The following ARHGEF3 variants were observed in gnomAD, a reference collection of about 807,000 sequenced individuals.
ARHGEF3 encodes the protein Rho guanine nucleotide exchange factor 3.
In ARHGEF3, 28 loss-of-function variants were observed where a neutral mutation model predicts 63.2. That is an observed-to-expected ratio of 0.44 (90% CI 0.33 to 0.61). ARHGEF3 has a LOEUF of 0.61. ARHGEF3 is among the 20% of genes least tolerant of loss of function. ARHGEF3 has a pLI of 0.03. For missense variants in ARHGEF3, 533 were observed against 659.3 expected, an observed-to-expected ratio of 0.81 and a Z score of 2.10; for synonymous variants, 266 against 254.2, an observed-to-expected ratio of 1.05 and a Z score of -0.44.
chr3:57,065,298 C>T (rs982699142), intron 1 of ARHGEF3, among the ~76,000 whole-genome samples: 5 of 152,038 alleles, frequency 3.3e-5, no homozygotes, highest in South Asian at 2.1e-4. Flanking sequence ...CCTATCTCTA[C>T]GAAAAATACA....
At chr3:56,975,275 G>C (rs537489005) in intron 2 of ARHGEF3, among the ~76,000 whole-genome samples, 15 of 152,110 alleles carry the variant, frequency 9.9e-5, no homozygotes, top group African/African-American at 3.4e-4. Flanking sequence ...AAAATTAGCC[G>C]AGCGTGGTGG....
intron 2 of ARHGEF3, among the ~76,000 whole-genome samples, chr3:56,986,892 C>T (rs1701564315): frequency 6.6e-6 from 1 of 151,852 alleles, no homozygotes; most frequent in Non-Finnish European, 1.5e-5. Flanking sequence ...GATATTGAAT[C>T]CTTACTGCGG....
intron 3 of ARHGEF3, among the ~76,000 whole-genome samples, chr3:56,896,065 A>G (rs964069687): frequency 1.3e-5 from 2 of 152,222 alleles, no homozygotes; most frequent in African/African-American, 2.4e-5. Context: ...TGGTGAGAGT[A>G]TATTAGATTC....
At chr3:56,778,632 A>G (rs574298131) in intron 1 of ARHGEF3, among the ~76,000 whole-genome samples, 3 of 152,240 alleles carry the variant, frequency 2.0e-5, no homozygotes, top group African/African-American at 7.2e-5. Flanking sequence ...TCCTGGGCTC[A>G]AGCAGATCTT....
intron 1 of ARHGEF3, among the ~76,000 whole-genome samples, chr3:57,069,008 G>A (rs949792696): frequency 2.0e-5 from 3 of 148,566 alleles, no homozygotes; most frequent in African/African-American, 7.5e-5. Context: ...CGTAACCTCT[G>A]CCTCCCAGGT....
At chr3:56,902,620 G>A (rs1440574890) in intron 3 of ARHGEF3, among the ~76,000 whole-genome samples, 1 of 152,172 alleles carries the variant, frequency 6.6e-6, no homozygotes, top group Non-Finnish European at 1.5e-5. Context: ...ACTGAGTTTC[G>A]AGATGACTAT....
intron 1 of ARHGEF3, chr3:56,775,287 T>A: frequency 8.1e-7 from 1 of 1,236,252 alleles, no homozygotes; most frequent in Non-Finnish European, 1.0e-6. Flanking sequence ...GACACTCTCA[T>A]GTCATTTTAT....
intron 1 of ARHGEF3, among the ~76,000 whole-genome samples, chr3:57,038,838 C>T (rs1001995202): frequency 6.6e-6 from 1 of 152,218 alleles, no homozygotes; most frequent in Non-Finnish European, 1.5e-5. Flanking sequence ...AGGCTCCTCT[C>T]ATCTGCCAGG....
At chr3:56,804,983 T>G (rs2037809611), upstream of ARHGEF3, among the ~76,000 whole-genome samples, 1 of 152,210 alleles carries the variant, frequency 6.6e-6, no homozygotes, top group South Asian at 2.1e-4. Context: ...CCTGCTCTTC[T>G]GGCCCTCACA....
In ARHGEF3 at chr3:56,750,795, C is replaced by T. The variant is rs1053687671; in HGVS notation, c.612+261G>A. Among the ~76,000 whole-genome samples the T allele has an allele frequency of 3.3e-5, 5 of 149,936 alleles. 1 individual carries two copies. The highest frequency in any genetic ancestry group is 6.7e-5 in the Admixed American group (1 of 14,888). On this transcript the variant is annotated intron_variant, in intron 6 of 9. Transcript: ENST00000296315. ...TTTGATACGAAACTAGTAATAGTTT[C>T]ATGTGTACCTTTACTTATTTTGTTC... is the stretch of plus-strand genomic sequence containing the variant.
intron 3 of ARHGEF3, among the ~76,000 whole-genome samples, chr3:56,932,747 C>A (rs2042447798): frequency 6.6e-6 from 1 of 152,126 alleles, no homozygotes; most frequent in African/African-American, 2.4e-5. Context: ...AGTAACACTA[C>A]CACTGAACAC....
chr3:56,773,792 G>C lies in ARHGEF3; in HGVS notation c.121C>G (p.Pro41Ala). 6.2e-7 allele frequency: 1 copy of C among 1,600,956 alleles called. No homozygotes were observed. The highest frequency in any genetic ancestry group is 8.5e-7 in the Non-Finnish European group (1 of 1,175,940). Residue 41 changes from proline (P) to alanine (A), a missense_variant, in exon 2 of 10, where the codon CCC becomes GCC. This residue lies in a region of ARHGEF3 where 160 missense variants were observed against 157.3 expected (regional missense o/e 1.02). Coordinates refer to ENST00000296315, the MANE Select transcript of ARHGEF3 (RefSeq NM_019555.3). ...GCTAGCGACGTGACTCGGGAAAGGG[G>C]TTTGACCCGTTTATTACTAGGCTCC... ...AEEPSNKRVK[P>A]LSRVTSLANL...
intron 2 of ARHGEF3, among the ~76,000 whole-genome samples, chr3:56,770,157 A>C (rs893886785): frequency 3.9e-5 from 6 of 152,170 alleles, no homozygotes; most frequent in Non-Finnish European, 8.8e-5. Context: ...TCATGTCTGT[A>C]ATCCCAGCAC....
chr3:56,891,264 C>T (rs933295839), intron 3 of ARHGEF3, among the ~76,000 whole-genome samples: 4 of 151,520 alleles, frequency 2.6e-5, no homozygotes, highest in South Asian at 2.1e-4. Flanking sequence ...GCAATCCTCT[C>T]GCCTCCACCT....
chr3:57,040,355 T>C (rs1704128945), intron 1 of ARHGEF3, among the ~76,000 whole-genome samples: 1 of 152,110 alleles, frequency 6.6e-6, no homozygotes, highest in South Asian at 2.1e-4. Context: ...CACGCACCTG[T>C]AGTCCCAGCT....
intron 3 of ARHGEF3, among the ~76,000 whole-genome samples, chr3:56,902,386 GC>G (rs1031848858): frequency 6.6e-6 from 1 of 152,158 alleles, no homozygotes; most frequent in African/African-American, 2.4e-5. Flanking sequence ...GAAAAGAAAT[GC>G]ATGAAATGAG....
intron 1 of ARHGEF3, among the ~76,000 whole-genome samples, chr3:57,041,177 G>A (rs755420481): frequency 2.0e-5 from 3 of 152,174 alleles, no homozygotes; most frequent in Non-Finnish European, 2.9e-5. Flanking sequence ...CTGATTGTAT[G>A]TGAACTTCCA....
intron 4 of ARHGEF3, among the ~76,000 whole-genome samples, chr3:56,814,205 C>A (rs1463582780): frequency 6.6e-6 from 1 of 152,226 alleles, no homozygotes; most frequent in Non-Finnish European, 1.5e-5. Flanking sequence ...GCTTTTCCAA[C>A]CCATGGCCCA....
At chr3:56,758,398 T>G (rs2035227933) in intron 2 of ARHGEF3, among the ~76,000 whole-genome samples, 1 of 151,922 alleles carries the variant, frequency 6.6e-6, no homozygotes, top group Non-Finnish European at 1.5e-5. Context: ...GAGACCACTC[T>G]GGGCAACGTA....
Sources: allele counts gnomAD v4.1 joint callset (sites outside exome capture counted in the v4.1 genomes callset), GRCh38; gene constraint gnomAD v4.1.1; regional missense constraint gnomAD v4.1.1; transcripts MANE v1.5; gene names NCBI Gene and HGNC (gene_info 2026-07-23, HGNC 2026-07-21).